The following KCNQ5 variants were observed in gnomAD, a reference collection of about 807,000 sequenced individuals.
KCNQ5 encodes the protein potassium voltage-gated channel subfamily KQT member 5.
A neutral mutation model predicts 98.2 loss-of-function variants in KCNQ5; 30 were observed. The observed-to-expected ratio is 0.31, with a 90% CI of 0.23 to 0.41. The LOEUF (loss-of-function observed/expected upper bound fraction) is 0.41, where lower values mean the gene tolerates loss of function less well. KCNQ5 is among the 10% of genes least tolerant of loss of function. The pLI is 1.00. For missense variants in KCNQ5, 835 were observed against 1,182.5 expected, an observed-to-expected ratio of 0.71 and a Z score of 4.31; for synonymous variants, 458 against 449.4, an observed-to-expected ratio of 1.02 and a Z score of -0.24.
intron 9 of KCNQ5, among the ~76,000 whole-genome samples, chr6:73,131,803 C>T (rs1776251945): frequency 6.6e-6 from 1 of 152,164 alleles, no homozygotes; most frequent in Admixed American, 6.5e-5. Flanking sequence ...AACTCTTCCA[C>T]TGTTGGGATT....
At position 73,151,264 on chromosome 6, in the gene KCNQ5, A is replaced by G. The variant is rs182031958; in HGVS notation, c.1468+17623A>G. Among the ~76,000 whole-genome samples the G allele has an allele frequency of 1.6e-3, 239 of 152,156 alleles. 5 individuals carry two copies. Among genetic ancestry groups the G allele is most frequent in the Admixed American group, 0.015 (223 of 15,278 alleles). ...CTAGACCACCTTTCCAGGAGCAGCC[A>G]TTTTCTATTTATTTTAGTTATTCCT... On this transcript the variant is annotated intron_variant, in intron 10 of 13. Coordinates refer to ENST00000370398, the MANE Select transcript of KCNQ5 (RefSeq NM_019842.4).
intron 1 of KCNQ5, among the ~76,000 whole-genome samples, chr6:72,835,380 T>C (rs1005660927): frequency 1.3e-5 from 2 of 152,150 alleles, no homozygotes; most frequent in Non-Finnish European, 2.9e-5. Context: ...AAATATTGCA[T>C]CAATTATATT....
At chr6:72,862,512 T>C (rs1777809643) in intron 1 of KCNQ5, among the ~76,000 whole-genome samples, 1 of 152,212 alleles carries the variant, frequency 6.6e-6, no homozygotes. Flanking sequence ...TTTTTTCTAA[T>C]TAACAGAATA....
At chr6:73,175,012 T>C (rs927926426) in intron 11 of KCNQ5, among the ~76,000 whole-genome samples, 2 of 152,142 alleles carry the variant, frequency 1.3e-5, no homozygotes, top group African/African-American at 4.8e-5. Flanking sequence ...TTGTTCTGTC[T>C]TTGAATCAGG....
chr6:72,954,984 A>G (rs756521679), intron 1 of KCNQ5, among the ~76,000 whole-genome samples: 20 of 152,218 alleles, frequency 1.3e-4, no homozygotes, highest in Admixed American at 4.6e-4. Flanking sequence ...ATTTGTTCTT[A>G]GCTTATGGAA....
chr6:72,764,023 C>T (rs551044694), intron 1 of KCNQ5, among the ~76,000 whole-genome samples: 69 of 151,820 alleles, frequency 4.5e-4, no homozygotes, highest in African/African-American at 1.6e-3. Context: ...AGTTACTGTG[C>T]AAGTATAAGG....
chr6:72,952,834 AAT>A (rs1252839267), intron 1 of KCNQ5, among the ~76,000 whole-genome samples: 1 of 152,150 alleles, frequency 6.6e-6, no homozygotes, highest in Non-Finnish European at 1.5e-5. Flanking sequence ...CTGCCAAAAT[AAT>A]TTCTTCACTG....
At chr6:73,103,947 C>A (rs9341408) in intron 5 of KCNQ5, among the ~76,000 whole-genome samples, 111,787 of 151,986 alleles carry the variant, frequency 0.74, 45,951 homozygotes, top group South Asian at 0.94. Context: ...TATCGCATGC[C>A]AGTATCAAAA....
At chr6:73,032,425 C>G (rs77405320) in intron 2 of KCNQ5, among the ~76,000 whole-genome samples, 1,820 of 152,206 alleles carry the variant, frequency 0.012, 17 homozygotes, top group Non-Finnish European at 0.018. Context: ...ACCAAGGTCT[C>G]CCAGAGTGCT....
At chr6:73,104,837 A>G (rs928437070) in intron 5 of KCNQ5, among the ~76,000 whole-genome samples, 3 of 152,208 alleles carry the variant, frequency 2.0e-5, no homozygotes, top group Non-Finnish European at 4.4e-5. Flanking sequence ...TTGTTCCACT[A>G]CAAATCTTAA....
rs2150530948 is a variant in KCNQ5, at chr6:73,198,451, A to G, written c.*3037A>G. ...CTTAATTTGCAAGTAAAATAAGTCT[A>G]CTAGAGAGGAGGAAATCAGGCACAA... is the stretch of plus-strand genomic sequence containing the variant. On this transcript the variant is annotated 3_prime_UTR_variant, in exon 14 of 14. Transcript: ENST00000370398. 1 of 152,358 alleles carries G rather than the reference A, an allele frequency of 6.6e-6. No individual in the cohort carries two copies. Among genetic ancestry groups the G allele is most frequent in the African/African-American group, 2.4e-5 (1 of 41,574 alleles). The allele number at this position is 152,358 out of a possible 1,614,324, so 9.4% of individuals were successfully genotyped here.
chr6:72,961,570 T>C (rs550749532), intron 1 of KCNQ5, among the ~76,000 whole-genome samples: 11 of 136,282 alleles, frequency 8.1e-5, no homozygotes, highest in South Asian at 6.7e-4. Flanking sequence ...TGCAGTGAGC[T>C]GAGATCGCGC....
intron 1 of KCNQ5, among the ~76,000 whole-genome samples, chr6:72,766,733 G>A (rs138692304): frequency 1.3e-5 from 2 of 151,866 alleles, no homozygotes; most frequent in African/African-American, 2.4e-5. Flanking sequence ...GAGATGAGAG[G>A]GAAAAATATG....
chr6:73,161,221 A>G (rs1200368184), intron 10 of KCNQ5, among the ~76,000 whole-genome samples: 2 of 152,166 alleles, frequency 1.3e-5, no homozygotes, highest in Non-Finnish European at 2.9e-5. Flanking sequence ...AAAGAAATAG[A>G]TCATATGTGC....
chr6:72,960,718 G>A (rs1434448825), intron 1 of KCNQ5, among the ~76,000 whole-genome samples: 1 of 152,194 alleles, frequency 6.6e-6, no homozygotes, highest in Non-Finnish European at 1.5e-5. Context: ...GAGCCACTGT[G>A]CCCAACCCAG....
intron 1 of KCNQ5, among the ~76,000 whole-genome samples, chr6:72,891,845 T>C (rs17800259): frequency 0.27 from 41,569 of 152,044 alleles, 5,893 homozygotes; most frequent in Admixed American, 0.31. Flanking sequence ...AAAAATCTGA[T>C]AGTAATCTAG....
At chr6:73,166,952 C>T (rs1370247943) in intron 10 of KCNQ5, among the ~76,000 whole-genome samples, 1 of 152,184 alleles carries the variant, frequency 6.6e-6, no homozygotes, top group Non-Finnish European at 1.5e-5. Flanking sequence ...TACATAATTA[C>T]ATCTGCAAGA....
intron 11 of KCNQ5, among the ~76,000 whole-genome samples, chr6:73,180,185 G>C (rs555764120): frequency 7.9e-5 from 12 of 152,186 alleles, no homozygotes; most frequent in Non-Finnish European, 1.6e-4. Context: ...GAGAGGAAGA[G>C]ACCAAGGACC....
rs578134173 is a variant in KCNQ5 at position 73,069,914 on chromosome 6, G to A, written c.617-7408G>A. Among the ~76,000 whole-genome samples, 22 of 152,280 alleles carry A rather than the reference G, an allele frequency of 1.4e-4. No homozygotes were observed. The South Asian group carries it at 2.7e-3, about 19-fold the overall frequency. On this transcript the variant is annotated intron_variant, in intron 3 of 13. Transcript: ENST00000370398. ...GTTTAGAGAAAGGAAAAACAGGAGA[G>A]TGAAAACCAGGCCATACATTGTAGG...
Sources: allele counts gnomAD v4.1 joint callset (sites outside exome capture counted in the v4.1 genomes callset), GRCh38; gene constraint gnomAD v4.1.1; transcripts MANE v1.5; gene names NCBI Gene and HGNC (gene_info 2026-07-23, HGNC 2026-07-21).